OPCML: variants seen among roughly 807,000 people sequenced by gnomAD.
OPCML encodes the protein opioid-binding protein/cell adhesion molecule.
Under a neutral mutation model 37.8 loss-of-function variants are expected in OPCML, and 13 were observed. That is an observed-to-expected ratio of 0.34 (90% CI 0.22 to 0.55). OPCML has a LOEUF of 0.55. OPCML is among the 20% of genes least tolerant of loss of function. OPCML has a pLI of 0.91. For synonymous variants in OPCML, 176 were observed against 168.8 expected (o/e 1.04, Z -0.33); for missense variants, 341 against 435.6 (o/e 0.78, Z 1.93).
chr11:132,468,481 T>C (rs2136944618), intron 4 of OPCML, among the ~76,000 whole-genome samples: 1 of 152,354 alleles, frequency 6.6e-6, no homozygotes, highest in South Asian at 2.1e-4. Context: ...TTTAAAACGA[T>C]TTCTAAAAAT....
intron 1 of OPCML, among the ~76,000 whole-genome samples, chr11:133,401,436 ATATTAT>A (rs1945404159): frequency 6.6e-6 from 1 of 152,148 alleles, no homozygotes; most frequent in Non-Finnish European, 1.5e-5. Context: ...AAATGAACTA[ATATTAT>A]TATTATAATT....
At chr11:132,590,363 T>C (rs1360126937) in intron 3 of OPCML, among the ~76,000 whole-genome samples, 1 of 152,118 alleles carries the variant, frequency 6.6e-6, no homozygotes, top group African/African-American at 2.4e-5. Context: ...GGACCACATC[T>C]ACACAGTAGT....
At position 132,512,981 on chromosome 11, in the gene OPCML, A is replaced by AT. The variant is rs375637060; in HGVS notation, c.505+16079dup. On this transcript the variant is annotated intron_variant, in intron 4 of 7. Transcript: ENST00000524381. ...CGGTAATTTAAATTATGACCGCAAG[A>AT]TTTTTTTAAATAAAAAGCCCTTGTT... is the stretch of plus-strand genomic sequence containing the variant. 8.1e-4 allele frequency among the ~76,000 whole-genome samples: 123 copies of AT among 152,090 alleles called. 1 individual carries two copies. The East Asian group carries it at 0.016, about 20-fold the overall frequency.
intron 3 of OPCML, among the ~76,000 whole-genome samples, chr11:132,592,932 A>G (rs2096486847): frequency 6.6e-6 from 1 of 152,230 alleles, no homozygotes; most frequent in Non-Finnish European, 1.5e-5. Context: ...GTACAGCAAT[A>G]CATAGAAAAT....
rs182274070 is a variant in OPCML at position 132,997,717 on chromosome 11, G to T, written c.62-54707C>A. Among the ~76,000 whole-genome samples, 27 of 152,314 alleles carry T rather than the reference G, an allele frequency of 1.8e-4. No homozygotes were observed. The East Asian group carries it at 4.6e-3, about 26-fold the overall frequency. On this transcript the variant is annotated intron_variant, in intron 1 of 7. Coordinates refer to ENST00000524381, the MANE Select transcript of OPCML (RefSeq NM_001012393.5). ...CTGCCCAGAGGAGCTGCATCACATT[G>T]CATCTTATTTTGGTTGATTCCAAGA...
At chr11:132,443,679 T>A (rs868365713) in intron 4 of OPCML, among the ~76,000 whole-genome samples, 77 of 152,290 alleles carry the variant, frequency 5.1e-4, no homozygotes, top group African/African-American at 1.8e-3. Context: ...TTTGTAAATA[T>A]CTGCTGGACA....
At chr11:132,915,032 T>C (rs1461008451) in intron 2 of OPCML, among the ~76,000 whole-genome samples, 1 of 152,254 alleles carries the variant, frequency 6.6e-6, no homozygotes, top group Non-Finnish European at 1.5e-5. Context: ...TTATTACCCT[T>C]ATTTTCCTTT....
At chr11:132,944,492 C>A (rs1340623046) in intron 1 of OPCML, among the ~76,000 whole-genome samples, 2 of 152,202 alleles carry the variant, frequency 1.3e-5, no homozygotes, top group Non-Finnish European at 2.9e-5. Context: ...CGTGCCCCTC[C>A]ACTGGACGCC....
chr11:132,493,059 C>T (rs927419759), intron 4 of OPCML, among the ~76,000 whole-genome samples: 2 of 152,144 alleles, frequency 1.3e-5, no homozygotes, highest in African/African-American at 4.8e-5. Flanking sequence ...GTTTCCAGGA[C>T]CAGATGTGAG....
At chr11:132,660,029 G>T (rs906605449) in intron 2 of OPCML, among the ~76,000 whole-genome samples, 1 of 152,066 alleles carries the variant, frequency 6.6e-6, no homozygotes. Context: ...TTAAATGAAT[G>T]ATCATTACAA....
intron 1 of OPCML, chr11:133,301,061 A>G (rs766175067): frequency 1.3e-5 from 2 of 152,218 alleles, no homozygotes; most frequent in Non-Finnish European, 2.9e-5. Context: ...TAGAGTAGCC[A>G]TAAGAAACTG....
chr11:133,391,854 A>G (rs969854555), intron 1 of OPCML, among the ~76,000 whole-genome samples: 1 of 152,178 alleles, frequency 6.6e-6, no homozygotes, highest in East Asian at 1.9e-4. Context: ...TTTTTCTCTC[A>G]TTACCAGATT....
chr11:132,420,199 C>A lies in OPCML; in HGVS notation c.1011G>T (p.Lys337Asn). Residue 337 changes from lysine to asparagine, a missense_variant, in exon 8 of 8, where the codon AAG (lysine) becomes AAT (asparagine). Transcript: ENST00000524381. ...GAGGACCTAGGATTTCTTATCAAAA[C>A]TTGATGAAGAAGTGGGCTAAGAGGG... is the stretch of plus-strand genomic sequence containing the variant. ...SGTLLAHFFI[K>N]F 2.5e-6 allele frequency: 4 copies of A among 1,613,826 alleles called. No homozygotes were observed. Among genetic ancestry groups the A allele is most frequent in the Non-Finnish European group, 3.4e-6 (4 of 1,179,802 alleles).
chr11:133,466,581 C>T (rs1454757926), intron 1 of OPCML, among the ~76,000 whole-genome samples: 3 of 152,228 alleles, frequency 2.0e-5, no homozygotes, highest in African/African-American at 7.2e-5. Context: ...TGGGATTAAA[C>T]TATGCGAACA....
At chr11:133,325,641 G>A (rs972212508) in intron 1 of OPCML, among the ~76,000 whole-genome samples, 7 of 152,044 alleles carry the variant, frequency 4.6e-5, no homozygotes, top group African/African-American at 4.8e-5. Context: ...TGATGATGAC[G>A]TTTTAAGATG....
chr11:133,444,845 T>C (rs1946439949), intron 1 of OPCML, among the ~76,000 whole-genome samples: 1 of 151,852 alleles, frequency 6.6e-6, no homozygotes, highest in South Asian at 2.1e-4. Context: ...GGATGGTGGA[T>C]GGAGACCACC....
At chr11:132,489,284 T>C (rs578122910) in intron 4 of OPCML, among the ~76,000 whole-genome samples, 21 of 152,272 alleles carry the variant, frequency 1.4e-4, no homozygotes, top group African/African-American at 5.1e-4. Context: ...GTAACACACA[T>C]GGAGCTGTCA....
At chr11:132,808,721 G>C (rs929669414) in intron 2 of OPCML, among the ~76,000 whole-genome samples, 1 of 152,082 alleles carries the variant, frequency 6.6e-6, no homozygotes, top group Non-Finnish European at 1.5e-5. Context: ...ATTTGGGATT[G>C]TACTGAATTT....
At chr11:132,806,329 A>C (rs896643122) in intron 2 of OPCML, among the ~76,000 whole-genome samples, 1 of 152,158 alleles carries the variant, frequency 6.6e-6, no homozygotes, top group Non-Finnish European at 1.5e-5. Context: ...AACAGACTGG[A>C]TAGAAAAACA....
Sources: gnomAD v4.1 joint callset for allele counts (sites outside exome capture counted in the v4.1 genomes callset) on GRCh38, gnomAD v4.1.1 for gene constraint, MANE v1.5 for transcripts, NCBI Gene and HGNC (gene_info 2026-07-23, HGNC 2026-07-21) for gene names.